Variants in PPFIA2 observed in about 807,000 individuals in gnomAD.
PPFIA2 encodes the protein PPFI scaffold protein A2.
Under a neutral mutation model 175.5 loss-of-function variants are expected in PPFIA2, and 46 were observed. That is an observed-to-expected ratio of 0.26 (90% CI 0.21 to 0.34). The LOEUF is 0.34. PPFIA2 is among the 10% of genes least tolerant of loss of function. PPFIA2 has a pLI of 1.00. For missense variants in PPFIA2, 1,179 were observed against 1,506.1 expected (o/e 0.78, Z 3.60); for synonymous variants, 568 against 511.4 (o/e 1.11, Z -1.49).
chr12:81,464,649 A>C (rs1389393318), intron 4 of PPFIA2, among the ~76,000 whole-genome samples: 1 of 152,134 alleles, frequency 6.6e-6, no homozygotes, highest in Non-Finnish European at 1.5e-5. Context: ...ACAGGGGCAA[A>C]GCATAGATTC....
intron 3 of PPFIA2, among the ~76,000 whole-genome samples, chr12:81,740,427 A>T (rs2082183871): frequency 6.6e-6 from 1 of 152,174 alleles, no homozygotes; most frequent in South Asian, 2.1e-4. Flanking sequence ...TTGTAAACTG[A>T]TTTAATTGCA....
chr12:81,647,065 A>G (rs201434136), intron 4 of PPFIA2, among the ~76,000 whole-genome samples: 8 of 148,598 alleles, frequency 5.4e-5, no homozygotes, highest in South Asian at 2.1e-4. Context: ...TTAAAAAAAA[A>G]GGGGGGGGGA....
chr12:81,613,381 C>T (rs2061126337), intron 4 of PPFIA2, among the ~76,000 whole-genome samples: 1 of 152,142 alleles, frequency 6.6e-6, no homozygotes, highest in Non-Finnish European at 1.5e-5. Context: ...CTTCAACTTG[C>T]ACACGCCCTC....
At chr12:81,663,219 T>C (rs1054845525) in intron 4 of PPFIA2, among the ~76,000 whole-genome samples, 37 of 152,130 alleles carry the variant, frequency 2.4e-4, no homozygotes, top group Non-Finnish European at 4.6e-4. Context: ...AAATAAAGGG[T>C]ATTCAATTAG....
chr12:81,349,881 AT>A (rs1283055801), intron 17 of PPFIA2, among the ~76,000 whole-genome samples: 1 of 152,202 alleles, frequency 6.6e-6, no homozygotes, highest in Admixed American at 6.5e-5. Flanking sequence ...GAAAACATGC[AT>A]TTTTTAATGG....
chr12:81,653,022 C>T (rs1444843109), intron 4 of PPFIA2, among the ~76,000 whole-genome samples: 1 of 151,990 alleles, frequency 6.6e-6, no homozygotes, highest in Non-Finnish European at 1.5e-5. Context: ...CATAATATAT[C>T]TCAACCCAAT....
intron 4 of PPFIA2, among the ~76,000 whole-genome samples, chr12:81,551,821 G>A (rs1421764237): frequency 1.3e-5 from 2 of 151,770 alleles, no homozygotes; most frequent in Non-Finnish European, 1.5e-5. Context: ...TACAATCTCT[G>A]TTTTATTCAC....
At chr12:81,531,339 C>G (rs2064528465) in intron 4 of PPFIA2, among the ~76,000 whole-genome samples, 1 of 151,572 alleles carries the variant, frequency 6.6e-6, no homozygotes, top group East Asian at 1.9e-4. Context: ...GTGGAAGAGA[C>G]AGATAATTAA....
chr12:81,524,380 C>T (rs1458880387), intron 4 of PPFIA2, among the ~76,000 whole-genome samples: 3 of 152,308 alleles, frequency 2.0e-5, no homozygotes, highest in Non-Finnish European at 4.4e-5. Flanking sequence ...ACAAGGAGAC[C>T]TCTGCCCCAG....
At chr12:81,583,362 T>A (rs1254737027) in intron 4 of PPFIA2, among the ~76,000 whole-genome samples, 1 of 151,828 alleles carries the variant, frequency 6.6e-6, no homozygotes, top group Admixed American at 6.6e-5. Context: ...TTCCTTTTTT[T>A]TTTCTAAGAA....
At chr12:81,646,686 G>C (rs1315621663) in intron 4 of PPFIA2, among the ~76,000 whole-genome samples, 1 of 152,204 alleles carries the variant, frequency 6.6e-6, no homozygotes, top group Non-Finnish European at 1.5e-5. Context: ...GTGTTTCACT[G>C]AATGTGTCCA....
At chr12:81,310,903 G>A (rs2050608520) in intron 22 of PPFIA2, among the ~76,000 whole-genome samples, 1 of 151,968 alleles carries the variant, frequency 6.6e-6, no homozygotes, top group Admixed American at 6.6e-5. Context: ...ATATTACAAA[G>A]TACAAGAATT....
At position 81,325,873 on chromosome 12, in the gene PPFIA2, G is replaced by A. The variant is rs2054652484; in HGVS notation, c.2549-3C>T. ...AGCTTCAGTCTCCATAAAGCCTCCT[G>A]TGAAGAGAAGTAACTAAGTATTCAG... On this transcript the variant is annotated splice_region_variant and splice_polypyrimidine_tract_variant and intron_variant, in intron 21 of 32. Coordinates refer to ENST00000549396, the MANE Select transcript of PPFIA2 (RefSeq NM_003625.5). 1.3e-6 allele frequency: 2 copies of A among 1,599,040 alleles called. No homozygotes were observed. Among genetic ancestry groups the A allele is most frequent in the African/African-American group, 1.3e-5 (1 of 74,598 alleles).
intron 9 of PPFIA2, among the ~76,000 whole-genome samples, chr12:81,380,228 C>T (rs764769323): frequency 4.6e-5 from 7 of 152,040 alleles, no homozygotes; most frequent in Non-Finnish European, 7.4e-5. Context: ...TTCCAGACAT[C>T]GTGACATGTG....
chr12:81,621,113 A>C (rs926893844), intron 4 of PPFIA2, among the ~76,000 whole-genome samples: 2 of 152,214 alleles, frequency 1.3e-5, no homozygotes, highest in Non-Finnish European at 2.9e-5. Flanking sequence ...AGTTGAAAAA[A>C]TATCTTATAG....
At chr12:81,635,699 C>T (rs2063909394) in intron 4 of PPFIA2, among the ~76,000 whole-genome samples, 1 of 152,144 alleles carries the variant, frequency 6.6e-6, no homozygotes, top group Non-Finnish European at 1.5e-5. Context: ...TCCATGCGGC[C>T]TCTTTGTATG....
intron 21 of PPFIA2, among the ~76,000 whole-genome samples, chr12:81,329,702 G>A (rs930207383): frequency 3.3e-5 from 5 of 152,162 alleles, no homozygotes; most frequent in African/African-American, 7.2e-5. Flanking sequence ...GAGTGCATGC[G>A]TGGCGTAGAG....
intron 5 of PPFIA2, among the ~76,000 whole-genome samples, chr12:81,451,222 CCT>C (rs1724831333): frequency 6.6e-6 from 1 of 151,552 alleles, no homozygotes; most frequent in African/African-American, 2.4e-5. Flanking sequence ...TTTTCTGTAC[CCT>C]GTTACCATCT....
At position 81,299,529 on chromosome 12, in the gene PPFIA2, G is replaced by A. The variant is rs2138248149; in HGVS notation, c.2643-147C>T. On this transcript the variant is annotated intron_variant, in intron 22 of 32. Transcript: ENST00000549396. ...GAATAACAGAATTCCTTATTCCTTT[G>A]AGTAACACACACACATCATCCATTG... 11 of 1,111,398 alleles carry A rather than the reference G, an allele frequency of 9.9e-6. No homozygotes were observed. In the South Asian group the frequency reaches 1.8e-4, roughly 18 times the overall value. The allele number at this position is 1,111,398 out of a possible 1,614,324, so 68.8% of individuals were successfully genotyped here.
Sources: allele counts gnomAD v4.1 joint callset (sites outside exome capture counted in the v4.1 genomes callset), GRCh38; gene constraint gnomAD v4.1.1; transcripts MANE v1.5; gene names NCBI Gene and HGNC (gene_info 2026-07-23, HGNC 2026-07-21).